Variants in CNNM4 observed in about 807,000 individuals in gnomAD.
The protein encoded by CNNM4 is metal transporter CNNM4.
Under a neutral mutation model 53.7 loss-of-function variants are expected in CNNM4, and 32 were observed. That is an observed-to-expected ratio of 0.60 (90% confidence interval 0.45 to 0.80). The LOEUF (loss-of-function observed/expected upper bound fraction) is 0.80. Ranked by LOEUF, CNNM4 falls within the 30% of genes least tolerant of loss-of-function variation. The probability of loss-of-function intolerance (pLI) is 0.00; values close to 1 mark genes in which losing one functional copy is unlikely to be tolerated. For missense variants in CNNM4, 784 were observed against 1,022.0 expected (o/e 0.77, Z 3.17); for synonymous variants, 410 against 440.0 (o/e 0.93, Z 0.85).
chr2:96,769,143 C>T (rs1375127114), intron 1 of CNNM4, among the ~76,000 whole-genome samples: 2 of 151,130 alleles, frequency 1.3e-5, no homozygotes, highest in East Asian at 2.0e-4. Context: ...CCCAGCTACT[C>T]GGGAGGCTGA....
At chr2:96,792,700 AG>A (rs1490426459) in intron 1 of CNNM4, among the ~76,000 whole-genome samples, 1 of 152,118 alleles carries the variant, frequency 6.6e-6, no homozygotes, top group Non-Finnish European at 1.5e-5. Context: ...GCTACTTGGC[AG>A]GCTGAGGCAG....
At chr2:96,763,943 C>G (rs1331992303) in intron 1 of CNNM4, among the ~76,000 whole-genome samples, 2 of 151,998 alleles carry the variant, frequency 1.3e-5, no homozygotes, top group East Asian at 3.9e-4. Context: ...CCCAGGTACC[C>G]GAGCCTGGGA....
At chr2:96,789,359 G>C (rs1430278755) in intron 1 of CNNM4, among the ~76,000 whole-genome samples, 1 of 152,220 alleles carries the variant, frequency 6.6e-6, no homozygotes, top group African/African-American at 2.4e-5. Flanking sequence ...CTCAGGCAGG[G>C]CTGGGATCCT....
At chr2:96,791,259 C>T (rs1371865622) in intron 1 of CNNM4, among the ~76,000 whole-genome samples, 1 of 152,026 alleles carries the variant, frequency 6.6e-6, no homozygotes, top group Non-Finnish European at 1.5e-5. Flanking sequence ...TAAGCCACAG[C>T]GCCCAGCCCG....
chr2:96,807,417 G>A (rs1161481626), intron 5 of CNNM4, among the ~76,000 whole-genome samples: 1 of 151,956 alleles, frequency 6.6e-6, no homozygotes, highest in African/African-American at 2.4e-5. Flanking sequence ...GCAGTCATAA[G>A]ATCGAGACCA....
In CNNM4 at chr2:96,808,450, T is replaced by TCTACATGCAC; in HGVS notation, c.1949-110_1949-109insTACATGCACC. 9.3e-7 allele frequency: 1 copy of TCTACATGCAC among 1,070,104 alleles called. No individual in the cohort carries two copies. Among genetic ancestry groups the TCTACATGCAC allele is most frequent in the Admixed American group, 1.9e-5 (1 of 51,282 alleles). 66.3% of individuals were successfully genotyped at this position (1,070,104 alleles called of 1,614,324 possible). ...CTTCTGTTTGTCCCTAAGAATGACT[T>TCTACATGCAC]CCTGTTCCTGGGTGGGGTGTCCCTG... On this transcript the variant is annotated intron_variant, in intron 5 of 6. Coordinates refer to ENST00000377075, the MANE Select transcript of CNNM4 (RefSeq NM_020184.4). This position sits in a 1 kb window ranked among gnomAD's most constrained non-coding sequence, Gnocchi z 4.9.
chr2:96,797,760 C>G lies in CNNM4; in HGVS notation c.1681+113C>G. ...CGAGGGCTGCAGCAGGTGAGGGGTG[C>G]AGAGACAACACAGCCACCCCTGGAA... On this transcript the variant is annotated intron_variant, in intron 3 of 6. Transcript: ENST00000377075. This position sits in a 1 kb window ranked among gnomAD's most constrained non-coding sequence, Gnocchi z 6.0. 7.0e-7 allele frequency: 1 copy of G among 1,421,164 alleles called. No homozygotes were observed. Among genetic ancestry groups the G allele is most frequent in the Non-Finnish European group, 9.6e-7 (1 of 1,036,658 alleles). 88.0% of individuals were successfully genotyped at this position (1,421,164 alleles called of 1,614,324 possible).
chr2:96,772,044 C>T (rs1267820752), intron 1 of CNNM4, among the ~76,000 whole-genome samples: 1 of 152,074 alleles, frequency 6.6e-6, no homozygotes. Flanking sequence ...TGTTGCAGGA[C>T]TGGTTTCCCA....
intron 1 of CNNM4, among the ~76,000 whole-genome samples, chr2:96,780,588 CTG>C (rs754267156): frequency 2.0e-5 from 3 of 152,168 alleles, no homozygotes; most frequent in South Asian, 2.1e-4. Flanking sequence ...CCAACAGACT[CTG>C]TGTATGGGGG....
In CNNM4 at chr2:96,808,007, G is replaced by T. The variant is rs2079224907; in HGVS notation, c.1949-554G>T. Among the ~76,000 whole-genome samples, 1 of 151,948 alleles carries T rather than the reference G, an allele frequency of 6.6e-6. No homozygotes were observed. Among genetic ancestry groups the T allele is most frequent in the Non-Finnish European group, 1.5e-5 (1 of 67,990 alleles). On this transcript the variant is annotated intron_variant, in intron 5 of 6. Transcript: ENST00000377075. The surrounding 1 kb of genome is among the most constrained non-coding windows in gnomAD (Gnocchi z 4.9). ...AGGTTCAAGCGATTCTCCTGCCTCAGCCTCCCAAGTAGCCGGGATTACAGG... is the reference window on the plus strand; with the variant it reads ...AGGTTCAAGCGATTCTCCTGCCTCATCCTCCCAAGTAGCCGGGATTACAGG...
At chr2:96,772,319 C>T (rs1156366898) in intron 1 of CNNM4, among the ~76,000 whole-genome samples, 1 of 135,450 alleles carries the variant, frequency 7.4e-6, no homozygotes, top group Non-Finnish European at 1.6e-5. Flanking sequence ...TACTCCCACC[C>T]GTGCGCACAC....
Position 96,780,082 on chromosome 2 carries a change from G to A in CNNM4, c.1403-16930G>A, listed in dbSNP as rs2078960678. Among the ~76,000 whole-genome samples, 3 of 152,046 alleles carry A rather than the reference G, an allele frequency of 2.0e-5. 1 individual carries two copies. Among genetic ancestry groups the A allele is most frequent in the African/African-American group, 7.2e-5 (3 of 41,384 alleles). On this transcript the variant is annotated intron_variant, in intron 1 of 6. Transcript: ENST00000377075. Reference sequence around the variant, plus strand: ...CCCAAAGTGCTGGGGTTACAGGCAGGAGCCACCGCGCCTGGCCAGACTTGA... The same window carrying A: ...CCCAAAGTGCTGGGGTTACAGGCAGAAGCCACCGCGCCTGGCCAGACTTGA...
chr2:96,787,957 G>T lies in CNNM4; in HGVS notation c.1403-9055G>T, dbSNP rs191903127. Among the ~76,000 whole-genome samples, 15 of 152,320 alleles carry T rather than the reference G, an allele frequency of 9.8e-5. No homozygotes were observed. In the East Asian group the frequency reaches 2.5e-3, roughly 25 times the overall value. ...CTTGTTTTTGAGACAGAGTCTCGCT[G>T]TGTTGCCCAGGCTGGAGTGCAGTAG... On this transcript the variant is annotated intron_variant, in intron 1 of 6. Coordinates refer to ENST00000377075, the MANE Select transcript of CNNM4 (RefSeq NM_020184.4).
chr2:96,775,338 G>C (rs1237663768), intron 1 of CNNM4, among the ~76,000 whole-genome samples: 1 of 152,076 alleles, frequency 6.6e-6, no homozygotes, highest in East Asian at 1.9e-4. Flanking sequence ...TTTGTGTCTG[G>C]CTTCTGCTGA....
At chr2:96,790,067 C>T (rs1349441986) in intron 1 of CNNM4, among the ~76,000 whole-genome samples, 2 of 110,142 alleles carry the variant, frequency 1.8e-5, no homozygotes, top group African/African-American at 7.3e-5. Flanking sequence ...AGTGCAGTGG[C>T]GTGATCTCGG....
rs1213935723 is a variant in CNNM4, at chr2:96,800,800, G to A, written c.1948+1152G>A. 3.3e-5 allele frequency among the ~76,000 whole-genome samples: 5 copies of A among 152,234 alleles called. No individual in the cohort carries two copies. The highest frequency in any genetic ancestry group is 1.3e-4 in the Admixed American group (2 of 15,288). On this transcript the variant is annotated intron_variant, in intron 5 of 6. Coordinates refer to ENST00000377075, the MANE Select transcript of CNNM4 (RefSeq NM_020184.4). This position sits in a 1 kb window ranked among gnomAD's most constrained non-coding sequence, Gnocchi z 4.6. ...GAGGCCCGGTTAGGGCCCAGGCTCT[G>A]TCCGTTGACCCATAGTCTCTCTGTT...
chr2:96,790,236 G>C (rs2079049504), intron 1 of CNNM4, among the ~76,000 whole-genome samples: 1 of 151,598 alleles, frequency 6.6e-6, no homozygotes, highest in Non-Finnish European at 1.5e-5. Context: ...TCGATCTCCT[G>C]ACCTCGTGAT....
At position 96,808,100 on chromosome 2, in the gene CNNM4, C is replaced by A. The variant is rs2079225335; in HGVS notation, c.1949-461C>A. On this transcript the variant is annotated intron_variant, in intron 5 of 6. Transcript: ENST00000377075. This position sits in a 1 kb window ranked among gnomAD's most constrained non-coding sequence, Gnocchi z 4.9. ...GATGGGGTTTCACCATGTTGGCCAGCCTAGTCTCCAACTCTGACCTCAGGT... is the reference window on the plus strand; with the variant it reads ...GATGGGGTTTCACCATGTTGGCCAGACTAGTCTCCAACTCTGACCTCAGGT... Among the ~76,000 whole-genome samples the A allele has an allele frequency of 6.6e-6, 1 of 152,090 alleles. No individual in the cohort carries two copies. The highest frequency in any genetic ancestry group is 2.4e-5 in the African/African-American group (1 of 41,418).
chr2:96,781,462 C>T (rs2078974924), intron 1 of CNNM4, among the ~76,000 whole-genome samples: 4 of 152,120 alleles, frequency 2.6e-5, no homozygotes, highest in Admixed American at 2.6e-4. Flanking sequence ...TGATCCTCTA[C>T]CTTGGCCTCC....
Sources: gnomAD v4.1 joint callset for allele counts (sites outside exome capture counted in the v4.1 genomes callset) on GRCh38, gnomAD v4.1.1 for gene constraint, Gnocchi (gnomAD v3.1) non-coding constraint, MANE v1.5 for transcripts, NCBI Gene and HGNC (gene_info 2026-07-23, HGNC 2026-07-21) for gene names.